The following PDPK1 variants were observed in gnomAD, a reference collection of about 807,000 sequenced individuals.
PDPK1 encodes the protein 3-phosphoinositide dependent protein kinase 1.
PDPK1 carries 7 observed loss-of-function variants against 39.8 expected under a neutral mutation model. The observed-to-expected ratio is 0.18, with a 90% CI of 0.10 to 0.33. PDPK1 has a LOEUF of 0.33. PDPK1 is among the 10% of genes least tolerant of loss of function. The pLI, the probability that PDPK1 is intolerant of heterozygous loss-of-function variation, is 1.00. For missense variants in PDPK1, 182 were observed against 384.7 expected, an observed-to-expected ratio of 0.47 and a Z score of 4.41; for synonymous variants, 118 against 159.1, an observed-to-expected ratio of 0.74 and a Z score of 1.95.
chr16:2,586,637 A>G, intron 10 of PDPK1, 39 bp from the exon 11 acceptor site: 2 of 1,575,098 alleles, frequency 1.3e-6, no homozygotes, highest in East Asian at 2.2e-5. Context: ...CTTAGAGGCA[A>G]GTGAAGGTGC....
intron 1 of PDPK1, among the ~76,000 whole-genome samples, chr16:2,544,044 A>G (rs111304739): frequency 1.3e-5 from 2 of 151,942 alleles, no homozygotes; most frequent in Non-Finnish European, 2.9e-5. Flanking sequence ...CTGCTTTACT[A>G]TATTCTTTAG....
intron 12 of PDPK1, among the ~76,000 whole-genome samples, 191 bp downstream of exon 12, chr16:2,596,041 G>A (rs1481721315): frequency 6.6e-6 from 1 of 152,218 alleles, no homozygotes; most frequent in African/African-American, 2.4e-5. Flanking sequence ...ACGCGTAGGC[G>A]GTTAGGGCAG....
intron 11 of PDPK1, among the ~76,000 whole-genome samples, chr16:2,595,308 G>C (rs1193470328): frequency 2.0e-5 from 3 of 152,214 alleles, no homozygotes; most frequent in Non-Finnish European, 4.4e-5. Flanking sequence ...GTCTGTCAGA[G>C]CTTTGTGATT....
intron 1 of PDPK1, among the ~76,000 whole-genome samples, chr16:2,552,595 G>A (rs1299091899): frequency 7.0e-5 from 9 of 129,472 alleles, no homozygotes; most frequent in African/African-American, 9.5e-5. Flanking sequence ...ATTGAGTGGC[G>A]CGGGGGGATG....
chr16:2,595,366 G>A (rs1174523050), intron 11 of PDPK1, among the ~76,000 whole-genome samples: 4 of 152,192 alleles, frequency 2.6e-5, no homozygotes, highest in Admixed American at 6.5e-5. Context: ...GCCCCAGCTT[G>A]TGGGGTAACT....
intron 1 of PDPK1, chr16:2,538,861 T>C (rs1212215297): frequency 1.4e-5 from 13 of 903,110 alleles, no homozygotes; most frequent in Non-Finnish European, 1.6e-5. Flanking sequence ...CTATATTTTC[T>C]CTCTATCGCT....
At chr16:2,592,937 G>A (rs371378416) in intron 11 of PDPK1, 12 of 456,526 alleles carry the variant, frequency 2.6e-5, no homozygotes, top group East Asian at 1.4e-4. Flanking sequence ...GTGCTGGCGT[G>A]TTCTGTCACT....
At position 2,597,300 on chromosome 16, in the gene PDPK1, G is replaced by T. The variant is rs1248347606; in HGVS notation, c.1554+25G>T. 1.2e-5 allele frequency: 19 copies of T among 1,559,718 alleles called. No individual in the cohort carries two copies. Among genetic ancestry groups the T allele is most frequent in the Non-Finnish European group, 1.5e-5 (17 of 1,143,258 alleles). ...GGTGAGTCTGTTCCCAGGGATTTCT[G>T]TGTGCAGGGTAATGGGAGGGCTTTG... On this transcript the variant is annotated intron_variant, in intron 13 of 13. Transcript: ENST00000342085. The surrounding 1 kb of genome is among the most constrained non-coding windows in gnomAD (Gnocchi z 6.3).
At chr16:2,586,361 G>A (rs1205072655) in intron 10 of PDPK1, among the ~76,000 whole-genome samples, 2 of 152,210 alleles carry the variant, frequency 1.3e-5, no homozygotes, top group South Asian at 2.1e-4. Context: ...ACCTCCGGGG[G>A]GCAGCACTGG....
In PDPK1 at chr16:2,593,403, TGGA is replaced by T; in HGVS notation, c.1344-2387_1344-2385del. 3.1e-6 allele frequency: 1 copy of T among 323,422 alleles called. No homozygotes were observed. The highest frequency in any genetic ancestry group is 2.4e-5 in the South Asian group (1 of 41,110). The allele number at this position is 323,422 out of a possible 1,614,324, so 20.0% of individuals were successfully genotyped here. A position where few individuals can be genotyped will look rare whatever the true frequency, so the allele number is the denominator to read the frequency against. On this transcript the variant is annotated intron_variant, in intron 11 of 13. Coordinates refer to ENST00000342085, the MANE Select transcript of PDPK1 (RefSeq NM_002613.5). The surrounding 1 kb of genome is among the most constrained non-coding windows in gnomAD (Gnocchi z 4.2). ...GCTGTGGTCCTGGTGGTTTTTTAGG[TGGA>T]GGTGGTTTCGTCCTCTTTCCGTGGC...
chr16:2,545,531 G>A (rs2066326413), intron 1 of PDPK1, among the ~76,000 whole-genome samples: 1 of 151,914 alleles, frequency 6.6e-6, no homozygotes. Context: ...GTCTGGCTCT[G>A]TTCCCCAGGC....
chr16:2,591,532 A>G (rs1344014068), intron 11 of PDPK1, among the ~76,000 whole-genome samples: 4 of 152,226 alleles, frequency 2.6e-5, no homozygotes, highest in African/African-American at 7.2e-5. Flanking sequence ...AAACATCTAC[A>G]CTTATTCTTA....
intron 10 of PDPK1, 102 bp from the exon 11 acceptor site, chr16:2,586,574 C>G: frequency 4.1e-6 from 4 of 974,512 alleles, no homozygotes; most frequent in Non-Finnish European, 6.4e-6. Flanking sequence ...TTGCTGTGTG[C>G]GAGCTCCCAA....
At chr16:2,584,576 C>T (rs2066824603) in intron 10 of PDPK1, among the ~76,000 whole-genome samples, 1 of 148,690 alleles carries the variant, frequency 6.7e-6, no homozygotes, top group Non-Finnish European at 1.5e-5. Flanking sequence ...CCGTGTTGGC[C>T]AGGCTGGTGT....
chr16:2,594,796 C>A (rs1379794525), intron 11 of PDPK1, among the ~76,000 whole-genome samples: 4 of 152,134 alleles, frequency 2.6e-5, no homozygotes, highest in Non-Finnish European at 5.9e-5. Flanking sequence ...GCCTGGCCAA[C>A]AGGGTGAAAC....
At position 2,586,843 on chromosome 16, in the gene PDPK1, C is replaced by G; in HGVS notation, c.1293C>G (p.Ser431=). Residue 431 remains serine, a synonymous_variant, in exon 11 of 14, where the codon TCC becomes TCG. Coordinates refer to ENST00000342085, the MANE Select transcript of PDPK1 (RefSeq NM_002613.5). ...SNSFELDLQF[S]EDEKRLLLEK... The stretch of plus-strand genomic sequence containing the variant: ...CCTTTGAACTGGACTTACAGTTTTC[C>G]GAAGATGAGAAGAGGTTGTTGTTGG... 1 of 1,614,216 alleles carries G rather than the reference C, an allele frequency of 6.2e-7. No homozygotes were observed. The highest frequency in any genetic ancestry group is 1.3e-5 in the African/African-American group (1 of 75,052).
intron 1 of PDPK1, among the ~76,000 whole-genome samples, chr16:2,544,657 C>T (rs1374551493): frequency 1.3e-5 from 2 of 152,054 alleles, no homozygotes; most frequent in African/African-American, 4.8e-5. Context: ...GATCTCGGCT[C>T]ACTGCAAGCT....
intron 1 of PDPK1, among the ~76,000 whole-genome samples, chr16:2,540,179 C>G (rs2066218526): frequency 6.6e-6 from 1 of 152,138 alleles, no homozygotes; most frequent in African/African-American, 2.4e-5. Context: ...TTAGGGTGGC[C>G]CTGTAGGCCC....
chr16:2,589,697 A>G (rs943569320), intron 11 of PDPK1, among the ~76,000 whole-genome samples: 17 of 123,784 alleles, frequency 1.4e-4, no homozygotes, highest in Middle Eastern at 8.0e-3. Context: ...TCAAAATTGG[A>G]AAAAAAAAAA....
Sources: allele counts gnomAD v4.1 joint callset (sites outside exome capture counted in the v4.1 genomes callset), GRCh38; gene constraint gnomAD v4.1.1; non-coding constraint Gnocchi (gnomAD v3.1); transcripts MANE v1.5; gene names NCBI Gene and HGNC (gene_info 2026-07-23, HGNC 2026-07-21).